Variants in LOC128462377 observed in about 807,000 individuals in gnomAD.
the LOC128462377 span, among the ~76,000 whole-genome samples, chr16:89,410,211 G>A: frequency 6.6e-6 from 1 of 152,296 alleles, no homozygotes; most frequent in Non-Finnish European, 1.5e-5. Context: ...GCACCTCACA[G>A]ATGCCAACCC....
the LOC128462377 span, among the ~76,000 whole-genome samples, chr16:89,354,635 ACTTTGGGAGG>A: frequency 1.3e-5 from 2 of 152,186 alleles, no homozygotes; most frequent in African/African-American, 4.8e-5. Context: ...TAATCCCAGC[ACTTTGGGAGG>A]CCGAGGCAGG....
At chr16:89,380,643 G>A in the LOC128462377 span, among the ~76,000 whole-genome samples, 3 of 152,326 alleles carry the variant, frequency 2.0e-5, no homozygotes, top group East Asian at 5.8e-4. Flanking sequence ...ACCAATAGGA[G>A]ACAGGCTTCT....
At chr16:89,391,427 G>C in the LOC128462377 span, among the ~76,000 whole-genome samples, 1 of 152,114 alleles carries the variant, frequency 6.6e-6, no homozygotes, top group Non-Finnish European at 1.5e-5. Flanking sequence ...GGCTGCACGG[G>C]ATTGTGGGAC....
chr16:89,333,221 C>A, the LOC128462377 span, among the ~76,000 whole-genome samples: 2 of 152,234 alleles, frequency 1.3e-5, no homozygotes, highest in South Asian at 2.1e-4. Flanking sequence ...TAAACAGACA[C>A]TGAAAATAAA....
the LOC128462377 span, among the ~76,000 whole-genome samples, chr16:89,334,702 G>A: frequency 6.6e-6 from 1 of 152,028 alleles, no homozygotes; most frequent in Non-Finnish European, 1.5e-5. Context: ...GCACACCCCA[G>A]GGATGAGCAG....
the LOC128462377 span, chr16:89,360,666 G>C: frequency 2.0e-5 from 3 of 152,132 alleles, no homozygotes; most frequent in Non-Finnish European, 4.4e-5. Flanking sequence ...CTAGAACGTC[G>C]ATGGTCAACA....
At chr16:89,406,215 T>A in the LOC128462377 span, among the ~76,000 whole-genome samples, 1 of 152,054 alleles carries the variant, frequency 6.6e-6, no homozygotes, top group Non-Finnish European at 1.5e-5. Flanking sequence ...AGCAAGGGGT[T>A]TGGTGCTGTG....
At chr16:89,403,030 C>A in the LOC128462377 span, among the ~76,000 whole-genome samples, 1 of 152,342 alleles carries the variant, frequency 6.6e-6, no homozygotes, top group African/African-American at 2.4e-5. Context: ...CCAGGCTCCA[C>A]ATGGGCACTG....
chr16:89,330,567 A>G, the LOC128462377 span, among the ~76,000 whole-genome samples: 4 of 141,932 alleles, frequency 2.8e-5, no homozygotes, highest in African/African-American at 5.3e-5. Flanking sequence ...TGTGGGGGGG[A>G]GCCACGGCAC....
At chr16:89,379,157 T>C in the LOC128462377 span, among the ~76,000 whole-genome samples, 3 of 152,330 alleles carry the variant, frequency 2.0e-5, no homozygotes, top group African/African-American at 7.2e-5. Flanking sequence ...CCCCCATGCC[T>C]GCCCCGGCAC....
chr16:89,357,652 T>G, the LOC128462377 span, among the ~76,000 whole-genome samples: 3 of 152,232 alleles, frequency 2.0e-5, no homozygotes, highest in African/African-American at 7.2e-5. Context: ...AGAATGCGTC[T>G]GCACACAGCA....
the LOC128462377 span, among the ~76,000 whole-genome samples, chr16:89,358,988 G>A: frequency 6.6e-6 from 1 of 151,958 alleles, no homozygotes; most frequent in South Asian, 2.1e-4. Flanking sequence ...ACCACACCTG[G>A]CTAATTTTCT....
At chr16:89,355,246 C>T in the LOC128462377 span, among the ~76,000 whole-genome samples, 1 of 150,280 alleles carries the variant, frequency 6.7e-6, no homozygotes, top group African/African-American at 2.5e-5. Flanking sequence ...GGAGGGCTCA[C>T]ACCCTGAGGC....
the LOC128462377 span, among the ~76,000 whole-genome samples, chr16:89,399,647 C>T: frequency 3.9e-5 from 6 of 152,274 alleles, no homozygotes; most frequent in South Asian, 2.1e-4. Flanking sequence ...ACCCTGAGGT[C>T]GTGCGGCCTG....
chr16:89,363,010 C>T, the LOC128462377 span, among the ~76,000 whole-genome samples: 1,703 of 148,368 alleles, frequency 0.011, 52 homozygotes, highest in African/African-American at 0.043. Context: ...TCTCCTTTAT[C>T]CGGTGTACTC....
At chr16:89,368,056 C>T in the LOC128462377 span, among the ~76,000 whole-genome samples, 5 of 152,294 alleles carry the variant, frequency 3.3e-5, no homozygotes, top group South Asian at 1.0e-3. Context: ...TGCTGTGCTC[C>T]GTTTATCTGA....
chr16:89,332,131 A>T, the LOC128462377 span, among the ~76,000 whole-genome samples: 26 of 152,328 alleles, frequency 1.7e-4, no homozygotes, highest in East Asian at 4.8e-3. Context: ...CCATATTAAA[A>T]AAAAAAGATA....
chr16:89,399,634 T>TG, the LOC128462377 span, among the ~76,000 whole-genome samples: 1 of 152,174 alleles, frequency 6.6e-6, no homozygotes, highest in Non-Finnish European at 1.5e-5. Flanking sequence ...CAGCACCCGG[T>TG]GGACCCTGAG....
At chr16:89,369,902 G>T in the LOC128462377 span, among the ~76,000 whole-genome samples, 1 of 152,156 alleles carries the variant, frequency 6.6e-6, no homozygotes. Flanking sequence ...TGTCATCTAT[G>T]GTTATCTCAG....
Sources: allele counts gnomAD v4.1 joint callset (sites outside exome capture counted in the v4.1 genomes callset), GRCh38; gene constraint gnomAD v4.1.1; transcripts MANE v1.5.